The following BRD10 variants were observed in gnomAD, a reference collection of about 807,000 sequenced individuals.
The protein encoded by BRD10 is uncharacterized bromodomain-containing protein 10.
the BRD10 span, chr9:5,906,782 C>G: frequency 2.0e-4 from 134 of 682,056 alleles, no homozygotes; most frequent in Non-Finnish European, 3.2e-5. Context: ...AGTGGCAGAA[C>G]CTAGATTAAA....
the BRD10 span, among the ~76,000 whole-genome samples, chr9:5,903,229 T>A: frequency 6.6e-6 from 1 of 152,160 alleles, no homozygotes; most frequent in South Asian, 2.1e-4. Context: ...TTAAGATGTG[T>A]TTTGTGGCCC....
chr9:5,960,037 A>G, the BRD10 span, among the ~76,000 whole-genome samples: 2 of 152,178 alleles, frequency 1.3e-5, no homozygotes, highest in East Asian at 1.9e-4. Flanking sequence ...AATTCCCATT[A>G]TTCTTCAAAG....
chr9:5,967,840 A>G, the BRD10 span, among the ~76,000 whole-genome samples: 3 of 152,332 alleles, frequency 2.0e-5, no homozygotes, highest in South Asian at 6.2e-4. Flanking sequence ...TAAGTATATA[A>G]AATGTCATCT....
chr9:5,882,428 G>A, the BRD10 span, among the ~76,000 whole-genome samples: 2 of 152,158 alleles, frequency 1.3e-5, no homozygotes, highest in Admixed American at 1.3e-4. Context: ...TCAAAATGGA[G>A]TCACTAATGT....
chr9:5,986,598 C>A, the BRD10 span, among the ~76,000 whole-genome samples: 1 of 152,310 alleles, frequency 6.6e-6, no homozygotes, highest in East Asian at 1.9e-4. Flanking sequence ...TAAAAGCCTT[C>A]CTACTTCTCC....
chr9:5,921,021 T>C, the BRD10 span: 1 of 1,613,920 alleles, frequency 6.2e-7, no homozygotes. Flanking sequence ...AAAGATAAAT[T>C]TGCTCCGGTA....
the BRD10 span, chr9:5,922,047 G>C: frequency 6.2e-7 from 1 of 1,614,032 alleles, no homozygotes; most frequent in Non-Finnish European, 8.5e-7. Flanking sequence ...GCCTGCAGCT[G>C]AGGAGCAAAA....
At chr9:5,889,734 G>A in the BRD10 span, among the ~76,000 whole-genome samples, 1 of 152,056 alleles carries the variant, frequency 6.6e-6, no homozygotes, top group Non-Finnish European at 1.5e-5. Flanking sequence ...GTAGTGAGCT[G>A]AGATCCTGCC....
At chr9:5,984,996 C>T in the BRD10 span, among the ~76,000 whole-genome samples, 1 of 151,396 alleles carries the variant, frequency 6.6e-6, no homozygotes, top group Non-Finnish European at 1.5e-5. Context: ...GGAAGACATG[C>T]TATTTAATTT....
chr9:5,923,371 C>A, the BRD10 span: 1 of 1,243,454 alleles, frequency 8.0e-7, no homozygotes, highest in Non-Finnish European at 1.1e-6. Flanking sequence ...GTAATAACAT[C>A]AACTGTAAAA....
the BRD10 span, among the ~76,000 whole-genome samples, chr9:5,936,139 T>G: frequency 1.3e-5 from 2 of 152,160 alleles, no homozygotes; most frequent in African/African-American, 4.8e-5. Flanking sequence ...GTAAATCACT[T>G]AAGCCAAAGA....
At chr9:5,917,141 G>A in the BRD10 span, among the ~76,000 whole-genome samples, 1 of 152,076 alleles carries the variant, frequency 6.6e-6, no homozygotes, top group Admixed American at 6.5e-5. Flanking sequence ...TAATGATGAT[G>A]ATTGATAAGG....
chr9:5,888,125 T>A, the BRD10 span, among the ~76,000 whole-genome samples: 40 of 152,320 alleles, frequency 2.6e-4, no homozygotes, highest in African/African-American at 9.1e-4. Flanking sequence ...AATCTAAGTC[T>A]TGAGCTGCTA....
the BRD10 span, chr9:5,968,767 G>A: frequency 3.7e-6 from 6 of 1,613,776 alleles, 1 homozygote; most frequent in African/African-American, 4.0e-5. Context: ...GGGCCTGAAA[G>A]GGTCTCTGTT....
At chr9:5,955,649 G>A in the BRD10 span, among the ~76,000 whole-genome samples, 1 of 149,088 alleles carries the variant, frequency 6.7e-6, no homozygotes, top group Non-Finnish European at 1.5e-5. Flanking sequence ...GAGTTGCTGA[G>A]GTTCACAGGG....
At chr9:5,936,848 C>G in the BRD10 span, among the ~76,000 whole-genome samples, 1 of 152,116 alleles carries the variant, frequency 6.6e-6, no homozygotes, top group African/African-American at 2.4e-5. Flanking sequence ...AACTGTTAAA[C>G]AGAAGACAAT....
chr9:5,911,405 GTT>G, the BRD10 span, among the ~76,000 whole-genome samples: 34 of 103,526 alleles, frequency 3.3e-4, no homozygotes, highest in Admixed American at 3.7e-4. Context: ...GTCTATGTGT[GTT>G]TTTTTTTTTT....
the BRD10 span, among the ~76,000 whole-genome samples, chr9:5,974,780 T>C: frequency 2.6e-5 from 4 of 152,166 alleles, no homozygotes; most frequent in African/African-American, 9.7e-5. Context: ...TTAGAGAACA[T>C]AGTGCCTGTT....
At chr9:6,008,240 G>A in the BRD10 span, 73 of 981,874 alleles carry the variant, frequency 7.4e-5, no homozygotes, top group Admixed American at 1.8e-4. Flanking sequence ...CGGCGGCTCC[G>A]GCTCCTCCTC....
Sources: allele counts gnomAD v4.1 joint callset (sites outside exome capture counted in the v4.1 genomes callset), GRCh38; gene constraint gnomAD v4.1.1; transcripts MANE v1.5; gene names NCBI Gene and HGNC (gene_info 2026-07-23, HGNC 2026-07-21).